Variants in SH3PXD2A observed in about 807,000 individuals in gnomAD.
SH3PXD2A encodes the protein SH3 and PX domains 2A, also known as SH3 and PX domain-containing protein 2A.
In SH3PXD2A, 32 loss-of-function variants were observed where a neutral mutation model predicts 115.2. The ratio of observed to expected loss-of-function variants is 0.28; its 90% confidence interval spans 0.21 to 0.37. SH3PXD2A has a LOEUF of 0.37. Ranked by LOEUF, SH3PXD2A falls within the 10% of genes least tolerant of loss-of-function variation. The pLI is 1.00. For synonymous variants in SH3PXD2A, 610 were observed against 629.1 expected (o/e 0.97, Z 0.45); for missense variants, 1,328 against 1,498.7 (o/e 0.89, Z 1.88).
chr10:103,774,922 G>A (rs1052498645), intron 2 of SH3PXD2A, among the ~76,000 whole-genome samples: 4 of 152,254 alleles, frequency 2.6e-5, no homozygotes, highest in East Asian at 1.9e-4. Flanking sequence ...CCGCCCTTCC[G>A]GTGTCCCAGC....
At chr10:103,704,365 A>G (rs2037956967) in intron 5 of SH3PXD2A, among the ~76,000 whole-genome samples, 1 of 152,160 alleles carries the variant, frequency 6.6e-6, no homozygotes, top group Non-Finnish European at 1.5e-5. Context: ...TACAGAGATG[A>G]AGAAACCCAG....
At chr10:103,636,931 C>T (rs1256998448) in intron 8 of SH3PXD2A, among the ~76,000 whole-genome samples, 7 of 152,198 alleles carry the variant, frequency 4.6e-5, no homozygotes, top group African/African-American at 1.7e-4. Flanking sequence ...TTGGCGTGAC[C>T]TGAGATAGGT....
At chr10:103,800,884 G>A (rs2039140185) in intron 2 of SH3PXD2A, among the ~76,000 whole-genome samples, 1 of 152,140 alleles carries the variant, frequency 6.6e-6, no homozygotes, top group East Asian at 1.9e-4. Flanking sequence ...TTCTGTTTCG[G>A]TCTTCCCTGA....
chr10:103,737,635 G>C (rs932723039), intron 3 of SH3PXD2A, among the ~76,000 whole-genome samples: 1 of 152,216 alleles, frequency 6.6e-6, no homozygotes, highest in East Asian at 1.9e-4. Flanking sequence ...TGTGGAGGCT[G>C]GGGATCTACC....
intron 5 of SH3PXD2A, among the ~76,000 whole-genome samples, chr10:103,718,006 G>T (rs1002724237): frequency 9.8e-5 from 6 of 60,982 alleles, no homozygotes; most frequent in Middle Eastern, 7.8e-3. Flanking sequence ...GCTTCCATGT[G>T]TCTTTTTTTT....
At position 103,757,153 on chromosome 10, in the gene SH3PXD2A, G is replaced by A. The variant is rs994473118; in HGVS notation, c.229+9941C>T. 7.8e-4 allele frequency among the ~76,000 whole-genome samples: 119 copies of A among 152,222 alleles called. 1 individual carries two copies. Among genetic ancestry groups the A allele is most frequent in the African/African-American group, 2.7e-3 (114 of 41,464 alleles). On this transcript the variant is annotated intron_variant, in intron 3 of 14. Coordinates refer to ENST00000369774, the MANE Select transcript of SH3PXD2A (RefSeq NM_001394015.1). ...AAAAGGACATTTAGGCATCAGGTAA[G>A]GAAAGGATGTATTTCCAGGGGGAGG...
chr10:103,667,031 AC>A (rs2037392080), intron 7 of SH3PXD2A, among the ~76,000 whole-genome samples: 1 of 152,122 alleles, frequency 6.6e-6, no homozygotes, highest in African/African-American at 2.4e-5. Flanking sequence ...AGGCTAAGCA[AC>A]CTGAGGCCCC....
At chr10:103,651,877 C>T (rs765128860) in intron 8 of SH3PXD2A, among the ~76,000 whole-genome samples, 1 of 152,212 alleles carries the variant, frequency 6.6e-6, no homozygotes, top group Non-Finnish European at 1.5e-5. Context: ...TGGCCACTGT[C>T]CTTAGAGCTT....
At chr10:103,730,221 T>C (rs531978309) in intron 4 of SH3PXD2A, among the ~76,000 whole-genome samples, 1 of 145,836 alleles carries the variant, frequency 6.9e-6, no homozygotes, top group East Asian at 2.0e-4. Context: ...CATCAGTTTC[T>C]TTTCTCGTTT....
At chr10:103,817,560 T>C (rs556544691) in intron 1 of SH3PXD2A, among the ~76,000 whole-genome samples, 60 of 152,242 alleles carry the variant, frequency 3.9e-4, no homozygotes, top group African/African-American at 1.3e-3. Flanking sequence ...AGGCTGGTCT[T>C]GAACTCCTGG....
intron 13 of SH3PXD2A, 34 bp downstream of exon 13, chr10:103,611,547 G>A: frequency 1.3e-6 from 2 of 1,598,126 alleles, no homozygotes; most frequent in Non-Finnish European, 1.7e-6. Flanking sequence ...CACAGAAAAG[G>A]AAGGAAAGGG....
chr10:103,780,728 C>T (rs942385131), intron 2 of SH3PXD2A, among the ~76,000 whole-genome samples: 1 of 152,218 alleles, frequency 6.6e-6, no homozygotes, highest in African/African-American at 2.4e-5. Flanking sequence ...CCCCTTCCTC[C>T]TCTGTTAGAA....
chr10:103,808,500 C>T (rs1480433590), intron 1 of SH3PXD2A, among the ~76,000 whole-genome samples: 1 of 152,118 alleles, frequency 6.6e-6, no homozygotes, highest in African/African-American at 2.4e-5. Context: ...ATCCGCCCAC[C>T]TCAGCCTCCC....
At chr10:103,785,331 G>A (rs1213541983) in intron 2 of SH3PXD2A, among the ~76,000 whole-genome samples, 2 of 152,168 alleles carry the variant, frequency 1.3e-5, no homozygotes, top group Admixed American at 6.5e-5. Context: ...CAATGGAACA[G>A]ACAGATGAGA....
chr10:103,625,621 T>C (rs947909448), intron 9 of SH3PXD2A, among the ~76,000 whole-genome samples: 1 of 152,198 alleles, frequency 6.6e-6, no homozygotes, highest in African/African-American at 2.4e-5. Flanking sequence ...GGCTGGGCAC[T>C]GTGGCTCATG....
chr10:103,788,941 C>A (rs1020983132), intron 2 of SH3PXD2A, among the ~76,000 whole-genome samples: 1 of 152,120 alleles, frequency 6.6e-6, no homozygotes, highest in Non-Finnish European at 1.5e-5. Context: ...CAACTGAAAT[C>A]ATCAGGAAGC....
intron 1 of SH3PXD2A, among the ~76,000 whole-genome samples, chr10:103,811,428 AC>A (rs2039269751): frequency 2.0e-5 from 3 of 152,338 alleles, no homozygotes; most frequent in Admixed American, 6.5e-5. Flanking sequence ...GAATTATCTC[AC>A]TTACTCTTTA....
intron 2 of SH3PXD2A, among the ~76,000 whole-genome samples, chr10:103,790,086 C>G (rs2039019770): frequency 6.6e-6 from 1 of 152,080 alleles, no homozygotes; most frequent in Non-Finnish European, 1.5e-5. Context: ...CCCCACCCCT[C>G]CCTCCAGGCA....
chr10:103,836,664 T>C (rs1354302219), intron 1 of SH3PXD2A, among the ~76,000 whole-genome samples: 4 of 121,968 alleles, frequency 3.3e-5, no homozygotes, highest in African/African-American at 9.3e-5. Flanking sequence ...GCACACACAC[T>C]CCACACTCAC....
Sources: gnomAD v4.1 joint callset for allele counts (sites outside exome capture counted in the v4.1 genomes callset) on GRCh38, gnomAD v4.1.1 for gene constraint, MANE v1.5 for transcripts, NCBI Gene and HGNC (gene_info 2026-07-23, HGNC 2026-07-21) for gene names.